Variants in ITPRIPL1 observed in about 807,000 individuals in gnomAD.
ITPRIPL1 encodes the protein inositol 1,4,5-trisphosphate receptor-interacting protein-like 1.
A neutral mutation model predicts 40.0 loss-of-function variants in ITPRIPL1; 28 were observed. That is an observed-to-expected ratio of 0.70 (90% CI 0.52 to 0.96). ITPRIPL1 has a LOEUF of 0.96. ITPRIPL1 is among the 40% of genes least tolerant of loss of function. The pLI, the probability that ITPRIPL1 is intolerant of heterozygous loss-of-function variation, is 0.00. For synonymous variants in ITPRIPL1, 251 were observed against 275.7 expected, an observed-to-expected ratio of 0.91 and a Z score of 0.89; for missense variants, 638 against 698.0, an observed-to-expected ratio of 0.91 and a Z score of 0.97.
At chr2:96,330,210 C>T (rs1427662563), downstream of ITPRIPL1, 1 of 141,226 alleles carries the variant, frequency 7.1e-6, no homozygotes, top group East Asian at 2.1e-4. Context: ...TGTCACTGTG[C>T]TCCAGCGACC....
chr2:96,327,512 C>T lies in ITPRIPL1; in HGVS notation c.881C>T (p.Ala294Val), dbSNP rs554568963. 6.2e-7 allele frequency: 1 copy of T among 1,614,068 alleles called. No homozygotes were observed. Among genetic ancestry groups the T allele is most frequent in the South Asian group, 1.1e-5 (1 of 91,050 alleles). Residue 294 changes from alanine to valine, a missense_variant, in exon 3 of 3, where the codon GCA becomes GTA. Transcript: ENST00000439118. ...GTGCACCACCACAGGGACCCCTCGG[C>T]AGTCTTGGGGAAGTGTAGTAGCTCC... ...CLVHHHRDPSAVLGKCSSSIK... is the reference protein window; with the variant it reads ...CLVHHHRDPSVVLGKCSSSIK...
rs766601779 is a variant in ITPRIPL1 at position 96,327,454 on chromosome 2, C to T, written c.823C>T (p.Arg275Cys). Residue 275 changes from arginine to cysteine, a missense_variant, in exon 3 of 3, where the codon CGT (arginine) becomes TGT (cysteine). By Grantham distance (180) the Arg-to-Cys change is radical. Transcript: ENST00000439118. ...VLVESECVCK[R>C]EKLLGDVLCL... The stretch of plus-strand genomic sequence containing the variant: ...GGTGGAGTCAGAATGTGTGTGCAAG[C>T]GTGAGAAACTCCTAGGGGACGTGCT... The T allele has an allele frequency of 6.8e-6, 11 of 1,613,884 alleles. No homozygotes were observed. The highest frequency in any genetic ancestry group is 8.5e-6 in the Non-Finnish European group (10 of 1,179,970).
In ITPRIPL1 at chr2:96,326,906, TG is replaced by T; in HGVS notation, c.279del (p.Trp94GlyfsTer160). On this transcript the variant is annotated frameshift_variant, in exon 3 of 3. Coordinates refer to ENST00000439118, the MANE Select transcript of ITPRIPL1 (RefSeq NM_001008949.3). LOFTEE classifies it high-confidence loss of function. ...CAGTTAGTGCTGGGGAAGAAAGACA[TG>T]GGGTGGCCGTTCCAGGCCGATGGCC... ...SDQLVLGKKD[M>X]GWPFQADGQE... is the part of the protein sequence containing the mutation. The T allele has an allele frequency of 6.2e-7, 1 of 1,614,086 alleles. No homozygotes were observed. Among genetic ancestry groups the T allele is most frequent in the Non-Finnish European group, 8.5e-7 (1 of 1,180,002 alleles).
At position 96,327,731 on chromosome 2, in the gene ITPRIPL1, T is replaced by C. The variant is rs2064127677; in HGVS notation, c.1100T>C (p.Val367Ala). ...GGCCGCTTTCTCTCAATCCACTTGG[T>C]CCTGGGGGTGCAACGAGAAGACACC... ...RSGRFLSIHL[V>A]LGVQREDTLV... The change falls in exon 3 of 3, where the codon GTC (valine) becomes GCC (alanine). Residue 367 changes from valine to alanine, a missense_variant. Transcript: ENST00000439118. 1 of 1,613,414 alleles carries C rather than the reference T, an allele frequency of 6.2e-7. No homozygotes were observed. Among genetic ancestry groups the C allele is most frequent in the Non-Finnish European group, 8.5e-7 (1 of 1,179,730 alleles).
downstream of ITPRIPL1, chr2:96,329,183 ATATATATATATC>A (rs1305679235): frequency 1.6e-5 from 2 of 124,542 alleles, no homozygotes; most frequent in African/African-American, 3.0e-5. Context: ...ATATATATAT[ATATATATATATC>A]TCCAAGATGT....
chr2:96,329,166 T>C (rs1344227446), downstream of ITPRIPL1: 1 of 89,734 alleles, frequency 1.1e-5, no homozygotes, highest in Non-Finnish European at 2.8e-5. Flanking sequence ...TATATATATA[T>C]ATATATATAT....
At chr2:96,326,254 G>T in intron 2 of ITPRIPL1, 5 of 1,438,478 alleles carry the variant, frequency 3.5e-6, no homozygotes, top group Non-Finnish European at 4.6e-6. Context: ...CTATAAAAGG[G>T]AGCCTCTGGG....
Position 96,326,941 on chromosome 2 carries a change from C to G in ITPRIPL1, c.310C>G (p.Pro104Ala). ...WPFQADGQEGPLGWMLGNLWN... is the reference protein window; with the variant it reads ...WPFQADGQEGALGWMLGNLWN... ...GTTCCAGGCCGATGGCCAGGAAGGG[C>G]CTCTGGGCTGGATGCTGGGAAACCT... Residue 104 changes from proline to alanine, a missense_variant, in exon 3 of 3, where the codon CCT becomes GCT. Coordinates refer to ENST00000439118, the MANE Select transcript of ITPRIPL1 (RefSeq NM_001008949.3). 1 of 1,614,228 alleles carries G rather than the reference C, an allele frequency of 6.2e-7. No homozygotes were observed. The highest frequency in any genetic ancestry group is 1.1e-5 in the South Asian group (1 of 91,082).
At chr2:96,329,450 G>A (rs186348589), downstream of ITPRIPL1, 1 of 151,854 alleles carries the variant, frequency 6.6e-6, no homozygotes, top group Admixed American at 6.6e-5. Context: ...TGGGGGCTCT[G>A]AGATGAATAA....
downstream of ITPRIPL1, chr2:96,330,290 C>A (rs887923312): frequency 2.9e-5 from 4 of 135,918 alleles, no homozygotes; most frequent in East Asian, 9.2e-4. Context: ...TTCCCAGAAG[C>A]TGATGCCAGT....
downstream of ITPRIPL1, chr2:96,329,480 G>A (rs2064145870): frequency 6.6e-6 from 1 of 151,664 alleles, no homozygotes; most frequent in African/African-American, 2.4e-5. Flanking sequence ...TGCTTGTGGG[G>A]AGCCACTTGT....
chr2:96,329,943 A>G (rs544114923), downstream of ITPRIPL1: 1 of 152,276 alleles, frequency 6.6e-6, no homozygotes, highest in East Asian at 1.9e-4. Flanking sequence ...CCTCTCCTCC[A>G]GCAAAAATAA....
intron 1 of ITPRIPL1, 30 bp from the exon 2 acceptor site, chr2:96,325,717 A>G: frequency 1.0e-6 from 1 of 991,132 alleles, no homozygotes; most frequent in South Asian, 1.3e-5. Flanking sequence ...TTTGAGCCAA[A>G]GCCCCCAGGT....
chr2:96,325,802 G>T lies in ITPRIPL1; in HGVS notation c.-38G>T, dbSNP rs747119301. 2 of 1,613,186 alleles carry T rather than the reference G, an allele frequency of 1.2e-6. No individual in the cohort carries two copies. Among genetic ancestry groups the T allele is most frequent in the Non-Finnish European group, 1.7e-6 (2 of 1,179,132 alleles). ...AGGCCAAGTTCCAAAGGGAGGATAGGCCCAGCTGGCTTCAGCGTCCACACG... is the reference window on the plus strand; with the variant it reads ...AGGCCAAGTTCCAAAGGGAGGATAGTCCCAGCTGGCTTCAGCGTCCACACG... On this transcript the variant is annotated 5_prime_UTR_variant, in exon 2 of 3. Coordinates refer to ENST00000439118, the MANE Select transcript of ITPRIPL1 (RefSeq NM_001008949.3).
In ITPRIPL1 at chr2:96,328,124, A is replaced by G. The variant is rs144579164; in HGVS notation, c.1493A>G (p.Asn498Ser). 36 of 1,613,802 alleles carry G rather than the reference A, an allele frequency of 2.2e-5. No individual in the cohort carries two copies. The East Asian group carries it at 4.0e-4, about 18-fold the overall frequency. The change falls in exon 3 of 3, where the codon AAT (asparagine) becomes AGT (serine). Residue 498 changes from asparagine to serine, a missense_variant. Asn to Ser is a conservative substitution (Grantham distance 46, BLOSUM62 1). Transcript: ENST00000439118. Reference sequence around the variant, plus strand: ...CTCCATCATTTCCTCATTGGTAACAATTTTCTGCCCCTGACCATCCCAATC... The same window carrying G: ...CTCCATCATTTCCTCATTGGTAACAGTTTTCTGCCCCTGACCATCCCAATC... ...RSLHHFLIGN[N>S]FLPLTIPIPK...
At chr2:96,329,195 C>A (rs1184245299), downstream of ITPRIPL1, 65 of 100,110 alleles carry the variant, frequency 6.5e-4, no homozygotes, top group African/African-American at 1.6e-3. Flanking sequence ...ATATATATAT[C>A]TCCAAGATGT....
Position 96,326,876 on chromosome 2 carries a change from G to C in ITPRIPL1, c.245G>C (p.Ser82Thr). 1.1e-5 allele frequency: 18 copies of C among 1,614,250 alleles called. No homozygotes were observed. The highest frequency in any genetic ancestry group is 1.5e-5 in the Non-Finnish European group (18 of 1,180,046). Residue 82 changes from serine to threonine, a missense_variant, in exon 3 of 3, where the codon AGT (serine) becomes ACT (threonine). Transcript: ENST00000439118. ...AACTTCTGGACAGGAGACACATCCAGTGACCAGTTAGTGCTGGGGAAGAAA... is the reference window on the plus strand; with the variant it reads ...AACTTCTGGACAGGAGACACATCCACTGACCAGTTAGTGCTGGGGAAGAAA... ...AENFWTGDTS[S>T]DQLVLGKKDM...
At position 96,327,776 on chromosome 2, in the gene ITPRIPL1, A is replaced by G. The variant is rs890292332; in HGVS notation, c.1145A>G (p.Gln382Arg). 6.2e-7 allele frequency: 1 copy of G among 1,613,892 alleles called. No individual in the cohort carries two copies. The highest frequency in any genetic ancestry group is 1.3e-5 in the African/African-American group (1 of 74,906). The change falls in exon 3 of 3, where the codon CAG (glutamine) becomes CGG (arginine). Residue 382 changes from glutamine (Q) to arginine (R), a missense_variant. Physicochemically the swap from Gln to Arg is conservative, Grantham distance 43 (BLOSUM62 1). Transcript: ENST00000439118. ...GACACCTTGGTCTACCTGGTGAGTCAGGCTCCTGACCAGGAGCAGCTCACC... is the reference window on the plus strand; with the variant it reads ...GACACCTTGGTCTACCTGGTGAGTCGGGCTCCTGACCAGGAGCAGCTCACC... Reference protein sequence around the residue: ...REDTLVYLVSQAPDQEQLTSV... With the variant: ...REDTLVYLVSRAPDQEQLTSV...
chr2:96,326,026 C>T (rs1384233447), intron 2 of ITPRIPL1, among the ~76,000 whole-genome samples, 177 bp downstream of exon 2: 1 of 152,230 alleles, frequency 6.6e-6, no homozygotes, highest in Non-Finnish European at 1.5e-5. Context: ...GGGGTATCCA[C>T]TAGCCCCTTA....
Sources: allele counts gnomAD v4.1 joint callset (sites outside exome capture counted in the v4.1 genomes callset), GRCh38; gene constraint gnomAD v4.1.1; transcripts MANE v1.5; gene names NCBI Gene and HGNC (gene_info 2026-07-23, HGNC 2026-07-21).